The following RNF121 variants were observed in gnomAD, a reference collection of about 807,000 sequenced individuals.
RNF121 encodes ring finger protein 121.
A neutral mutation model predicts 46.5 loss-of-function variants in RNF121; 21 were observed. The ratio of observed to expected loss-of-function variants is 0.45; its 90% CI spans 0.32 to 0.65. The LOEUF (loss-of-function observed/expected upper bound fraction) is 0.65, where lower values mean the gene tolerates loss of function less well. Among genes scored for constraint, RNF121 ranks in the 30% least tolerant of loss-of-function variants. The probability of loss-of-function intolerance (pLI) is 0.04; values close to 1 mark genes in which losing one functional copy is unlikely to be tolerated. For synonymous variants in RNF121, 139 were observed against 144.7 expected, an observed-to-expected ratio of 0.96 and a Z score of 0.28; for missense variants, 346 against 416.0, an observed-to-expected ratio of 0.83 and a Z score of 1.46.
chr11:71,930,759 T>G (rs923177647), intron 1 of RNF121, among the ~76,000 whole-genome samples: 1 of 152,242 alleles, frequency 6.6e-6, no homozygotes, highest in African/African-American at 2.4e-5. Context: ...ATTACGTATA[T>G]CTCAAAGCTG....
chr11:71,952,941 A>G (rs557341065), intron 1 of RNF121, among the ~76,000 whole-genome samples: 4 of 152,364 alleles, frequency 2.6e-5, no homozygotes, highest in Non-Finnish European at 4.4e-5. Flanking sequence ...GAAATGTACA[A>G]TATTCTGTTA....
chr11:71,929,081 T>A lies in RNF121; in HGVS notation c.20T>A (p.Val7Glu). 3.9e-6 allele frequency: 6 copies of A among 1,549,532 alleles called. No homozygotes were observed. Among genetic ancestry groups the A allele is most frequent in the Non-Finnish European group, 5.2e-6 (6 of 1,146,556 alleles). Residue 7 changes from valine (V) to glutamate (E), a missense_variant, in exon 1 of 9, where the codon GTG becomes GAG. Val to Glu is a moderately radical substitution (Grantham distance 121). Around this residue, in one of 2 missense-constraint regions of RNF121, gnomAD observed 60 missense variants for 32.2 expected, o/e 1.86. Coordinates refer to ENST00000361756, the MANE Select transcript of RNF121 (RefSeq NM_018320.5). Reference protein sequence around the residue: MAAVVEVEVGGGAAGER... With the variant: MAAVVEEEVGGGAAGER... Reference sequence around the variant, plus strand: ...GTGAAGATGGCGGCAGTGGTGGAGGTGGAGGTTGGAGGTGGTGCTGCTGGG... The same window carrying A: ...GTGAAGATGGCGGCAGTGGTGGAGGAGGAGGTTGGAGGTGGTGCTGCTGGG...
At chr11:71,950,481 G>C (rs1447881451) in intron 1 of RNF121, among the ~76,000 whole-genome samples, 18 of 151,650 alleles carry the variant, frequency 1.2e-4, no homozygotes, top group Non-Finnish European at 4.4e-5. Context: ...CTACTGGGGA[G>C]GCTGAGGCAG....
At chr11:71,988,640 T>TAAAA (rs35970528) in intron 5 of RNF121, among the ~76,000 whole-genome samples, 6 of 137,706 alleles carry the variant, frequency 4.4e-5, no homozygotes, top group South Asian at 4.7e-4. Flanking sequence ...TCTCAACTCT[T>TAAAA]AAAAAAAAAA....
At chr11:71,929,234 A>G (rs1345302206) in intron 1 of RNF121, 110 bp downstream of exon 1, 1 of 1,460,618 alleles carries the variant, frequency 6.8e-7, no homozygotes, top group Non-Finnish European at 9.1e-7. Context: ...CCTGAGAGGG[A>G]AGGAGCTGAC....
chr11:71,982,953 G>C (rs370033904), intron 4 of RNF121, 38 bp downstream of exon 4: 46 of 1,555,802 alleles, frequency 3.0e-5, no homozygotes, highest in Non-Finnish European at 3.5e-5. Flanking sequence ...CAGGTTTTCC[G>C]AAGCTAATGG....
At chr11:71,988,284 G>GTGA (rs1269170610) in intron 5 of RNF121, among the ~76,000 whole-genome samples, 1 of 152,188 alleles carries the variant, frequency 6.6e-6, no homozygotes, top group Non-Finnish European at 1.5e-5. Context: ...GGAGCATGCA[G>GTGA]TGAGTCAATG....
chr11:71,941,918 C>T (rs911413096), intron 1 of RNF121, among the ~76,000 whole-genome samples: 3 of 146,818 alleles, frequency 2.0e-5, no homozygotes, highest in Admixed American at 7.0e-5. Context: ...TTTTATTGAG[C>T]GTGTAATGAG....
At chr11:71,954,817 CT>C (rs1210236666) in intron 1 of RNF121, among the ~76,000 whole-genome samples, 1 of 152,164 alleles carries the variant, frequency 6.6e-6, no homozygotes, top group Admixed American at 6.5e-5. Flanking sequence ...ACTCCTTTCC[CT>C]GATGCTTATT....
At chr11:71,969,906 T>G (rs1028984727) in intron 3 of RNF121, among the ~76,000 whole-genome samples, 3 of 152,228 alleles carry the variant, frequency 2.0e-5, no homozygotes, top group Admixed American at 2.0e-4. Context: ...GAATCAAGAT[T>G]CCAGATAATG....
chr11:71,929,216 G>A, intron 1 of RNF121, 92 bp downstream of exon 1: 5 of 1,481,122 alleles, frequency 3.4e-6, no homozygotes, highest in Non-Finnish European at 4.5e-6. Context: ...AGGAGAGAAG[G>A]GAAAGATCCT....
intron 4 of RNF121, among the ~76,000 whole-genome samples, chr11:71,984,881 C>T (rs1169402712): frequency 6.6e-6 from 1 of 151,440 alleles, no homozygotes; most frequent in African/African-American, 2.4e-5. Flanking sequence ...GCCACCACGC[C>T]CAGCCCTGTA....
chr11:71,981,888 A>T (rs1217136810), intron 3 of RNF121, among the ~76,000 whole-genome samples: 1 of 152,254 alleles, frequency 6.6e-6, no homozygotes, highest in African/African-American at 2.4e-5. Flanking sequence ...AATGAATTCA[A>T]GCCCAGCCGC....
intron 1 of RNF121, among the ~76,000 whole-genome samples, chr11:71,934,294 A>G (rs1186628916): frequency 1.3e-5 from 2 of 152,246 alleles, no homozygotes; most frequent in African/African-American, 4.8e-5. Context: ...TTGTCCTCAG[A>G]AAGTTCACAG....
rs1009255520 is a variant in RNF121, at chr11:71,996,888, A to C, written c.*573A>C. On this transcript the variant is annotated 3_prime_UTR_variant, in exon 9 of 9. Transcript: ENST00000361756. ...CTCTGTCTCCCCCTGTCCAAGAGCT[A>C]TAGGCTGGTTGAGGCAAGTGGAACC... is the stretch of plus-strand genomic sequence containing the variant. 7.2e-5 allele frequency: 11 copies of C among 152,622 alleles called. No homozygotes were observed. The highest frequency in any genetic ancestry group is 2.2e-4 in the African/African-American group (9 of 41,480). The allele number at this position is 152,622 out of a possible 1,614,324, so 9.5% of individuals were successfully genotyped here. A position where few individuals can be genotyped will look rare whatever the true frequency, so the allele number is the denominator to read the frequency against.
intron 1 of RNF121, among the ~76,000 whole-genome samples, chr11:71,949,873 G>A (rs547327108): frequency 2.6e-5 from 4 of 151,914 alleles, no homozygotes; most frequent in African/African-American, 7.2e-5. Flanking sequence ...GTGGTGGCAC[G>A]TACCTGTAAT....
chr11:71,984,428 C>T lies in RNF121; in HGVS notation c.398+1513C>T, dbSNP rs985567282. 2.5e-4 allele frequency among the ~76,000 whole-genome samples: 37 copies of T among 150,708 alleles called. No individual in the cohort carries two copies. In the East Asian group the frequency reaches 2.6e-3, roughly 10 times the overall value. ...CCAAGTAGCTGGGACTACAGGCACC[C>T]GCCACCACACCTGGCTAATTTTTTG... On this transcript the variant is annotated intron_variant, in intron 4 of 8. Transcript: ENST00000361756.
Position 71,996,462 on chromosome 11 carries a change from AG to A in RNF121, c.*150del, listed in dbSNP as rs1486397890. 3.2e-5 allele frequency: 30 copies of A among 924,402 alleles called. No individual in the cohort carries two copies. In the East Asian group the frequency reaches 8.2e-4, roughly 25 times the overall value. 57.3% of individuals were successfully genotyped at this position (924,402 alleles called of 1,614,324 possible). ...CCCCTCTGGCTGTGTCGGACTGGGGAGGGATATGATGGAGAGCCAGCCAGTG... is the reference window on the plus strand; with the variant it reads ...CCCCTCTGGCTGTGTCGGACTGGGGAGGATATGATGGAGAGCCAGCCAGTG... On this transcript the variant is annotated 3_prime_UTR_variant, in exon 9 of 9. Coordinates refer to ENST00000361756, the MANE Select transcript of RNF121 (RefSeq NM_018320.5).
At chr11:71,960,714 C>T (rs1369952721) in intron 2 of RNF121, 36 bp from the exon 3 acceptor site, 1 of 1,601,016 alleles carries the variant, frequency 6.2e-7, no homozygotes, top group South Asian at 1.1e-5. Context: ...ACTACAGCAT[C>T]CCTGACTTGA....
Sources: allele counts gnomAD v4.1 joint callset (sites outside exome capture counted in the v4.1 genomes callset), GRCh38; gene constraint gnomAD v4.1.1; regional missense constraint gnomAD v4.1.1; transcripts MANE v1.5; gene names NCBI Gene and HGNC (gene_info 2026-07-23, HGNC 2026-07-21).